Variants in CERS3 observed in about 807,000 individuals in gnomAD.
The protein encoded by CERS3 is ceramide synthase 3.
Under a neutral mutation model 50.3 loss-of-function variants are expected in CERS3, and 33 were observed. The observed-to-expected ratio is 0.66, with a 90% CI of 0.50 to 0.88. The LOEUF (loss-of-function observed/expected upper bound fraction) is 0.88, where lower values mean the gene tolerates loss of function less well. Ranked by LOEUF, CERS3 falls within the 40% of genes least tolerant of loss-of-function variation. The pLI, the probability that CERS3 is intolerant of heterozygous loss-of-function variation, is 0.00. For synonymous variants in CERS3, 176 were observed against 155.2 expected, an observed-to-expected ratio of 1.13 and a Z score of -0.99; for missense variants, 470 against 460.3, an observed-to-expected ratio of 1.02 and a Z score of -0.19.
rs2034352381 is a variant in CERS3, at chr15:100,455,897, A to G, written c.995T>C (p.Met332Thr). 6.2e-7 allele frequency: 1 copy of G among 1,607,248 alleles called. No homozygotes were observed. Among genetic ancestry groups the G allele is most frequent in the Admixed American group, 1.7e-5 (1 of 58,728 alleles). The change falls in exon 11 of 12, where the codon ATG becomes ACG. Residue 332 changes from methionine (M) to threonine (T), a missense_variant. Met to Thr is a moderately conservative substitution (Grantham distance 81). Coordinates refer to ENST00000679737, the MANE Select transcript of CERS3 (RefSeq NM_001378789.1). ...ILKMLNRCIF[M>T]KSIQDVRSDD... Reference sequence around the variant, plus strand: ...TAATATTTGGACAGCCCTTACCTTCATGAATATACATCTGTTGAGCATCTT... The same window carrying G: ...TAATATTTGGACAGCCCTTACCTTCGTGAATATACATCTGTTGAGCATCTT...
intron 11 of CERS3, among the ~76,000 whole-genome samples, chr15:100,410,519 G>A (rs2031399942): frequency 6.6e-6 from 1 of 152,198 alleles, no homozygotes; most frequent in Non-Finnish European, 1.5e-5. Context: ...GTTTTCCTTT[G>A]AAGGGTGTGT....
chr15:100,516,164 A>G (rs989919729), intron 2 of CERS3, among the ~76,000 whole-genome samples: 1 of 152,104 alleles, frequency 6.6e-6, no homozygotes, highest in Non-Finnish European at 1.5e-5. Flanking sequence ...CTTCCCATCA[A>G]CTCATCCGGT....
chr15:100,503,872 G>A (rs1165436277), intron 2 of CERS3: 2 of 402,688 alleles, frequency 5.0e-6, no homozygotes, highest in Non-Finnish European at 1.0e-5. Context: ...ATCGGGTAGA[G>A]GATAAAGTGA....
intron 3 of CERS3, among the ~76,000 whole-genome samples, chr15:100,494,362 C>T (rs2035749459): frequency 6.6e-6 from 1 of 151,152 alleles, no homozygotes; most frequent in South Asian, 2.1e-4. Flanking sequence ...ATTCTCCTGC[C>T]TCAGCCTCCT....
At chr15:100,483,894 C>G (rs1021833478) in intron 5 of CERS3, among the ~76,000 whole-genome samples, 5 of 150,020 alleles carry the variant, frequency 3.3e-5, no homozygotes, top group Non-Finnish European at 7.4e-5. Context: ...CATTCTCCTG[C>G]CTCAGCCTCC....
At chr15:100,404,608 G>C (rs867517644) in intron 11 of CERS3, among the ~76,000 whole-genome samples, 8 of 152,192 alleles carry the variant, frequency 5.3e-5, no homozygotes, top group African/African-American at 1.9e-4. Flanking sequence ...ATTTTCTGTA[G>C]ATGCAGACAA....
At chr15:100,486,203 G>A (rs1950549945) in intron 4 of CERS3, among the ~76,000 whole-genome samples, 1 of 152,202 alleles carries the variant, frequency 6.6e-6, no homozygotes, top group African/African-American at 2.4e-5. Flanking sequence ...TGGGCCAGAT[G>A]GCTGAATACC....
intron 1 of CERS3, among the ~76,000 whole-genome samples, chr15:100,543,885 T>G (rs981819839): frequency 6.6e-6 from 1 of 152,214 alleles, no homozygotes. Context: ...TCTGGACCCC[T>G]GATACATGTT....
intron 11 of CERS3, among the ~76,000 whole-genome samples, chr15:100,442,935 G>T: frequency 6.6e-6 from 1 of 151,504 alleles, no homozygotes; most frequent in East Asian, 2.0e-4. Context: ...ACTGTTGTGG[G>T]TATTGACGGC....
intron 11 of CERS3, among the ~76,000 whole-genome samples, chr15:100,413,690 G>A (rs2031666236): frequency 6.9e-6 from 1 of 145,110 alleles, no homozygotes; most frequent in East Asian, 2.0e-4. Flanking sequence ...TGGGGAAAAA[G>A]AAACACTCAT....
chr15:100,459,353 A>G (rs185192842), intron 10 of CERS3, among the ~76,000 whole-genome samples: 70 of 152,230 alleles, frequency 4.6e-4, no homozygotes, highest in African/African-American at 1.7e-3. Flanking sequence ...AGGAGTGCAG[A>G]GGCATGATCA....
intron 11 of CERS3, among the ~76,000 whole-genome samples, chr15:100,417,432 C>CG (rs1386287669): frequency 5.3e-5 from 8 of 152,064 alleles, no homozygotes; most frequent in African/African-American, 1.5e-4. Flanking sequence ...GAGGGTCCTA[C>CG]CCCACGGAGT....
chr15:100,538,644 G>A (rs2037129093), intron 1 of CERS3, among the ~76,000 whole-genome samples: 1 of 152,174 alleles, frequency 6.6e-6, no homozygotes, highest in Non-Finnish European at 1.5e-5. Context: ...GCCAGGCCCT[G>A]GGCCGAGCCC....
chr15:100,418,976 C>G (rs1285474379), intron 11 of CERS3, among the ~76,000 whole-genome samples: 1 of 151,624 alleles, frequency 6.6e-6, no homozygotes, highest in Non-Finnish European at 1.5e-5. Context: ...ACTGCAAAAT[C>G]GTGCCAAATT....
chr15:100,427,362 G>A (rs2032873308), intron 11 of CERS3, among the ~76,000 whole-genome samples: 1 of 152,124 alleles, frequency 6.6e-6, no homozygotes, highest in Admixed American at 6.5e-5. Flanking sequence ...TTGTTCTTAG[G>A]CAATGCCAAT....
chr15:100,497,355 G>T (rs543481037), intron 3 of CERS3, among the ~76,000 whole-genome samples: 30 of 150,296 alleles, frequency 2.0e-4, no homozygotes, highest in South Asian at 4.2e-4. Context: ...TATATATATA[G>T]AGAGAAAAAT....
At chr15:100,464,292 A>G (rs2034642466) in intron 10 of CERS3, among the ~76,000 whole-genome samples, 1 of 152,230 alleles carries the variant, frequency 6.6e-6, no homozygotes, top group Non-Finnish European at 1.5e-5. Flanking sequence ...ATAGTCTTCA[A>G]CCACATGAAA....
At chr15:100,411,215 T>G (rs1424847495) in intron 11 of CERS3, among the ~76,000 whole-genome samples, 1 of 152,172 alleles carries the variant, frequency 6.6e-6, no homozygotes, top group African/African-American at 2.4e-5. Flanking sequence ...CAGGCTGGAG[T>G]GCAGTGGCAC....
At position 100,429,754 on chromosome 15, in the gene CERS3, C is replaced by A. The variant is rs150550225; in HGVS notation, c.999+26139G>T. On this transcript the variant is annotated intron_variant, in intron 11 of 11. Transcript: ENST00000679737. ...CGGAAAAGCTTCACCATCTGTGTTTCTTAAATAAACATACTTATCCACAGC... is the reference window on the plus strand; with the variant it reads ...CGGAAAAGCTTCACCATCTGTGTTTATTAAATAAACATACTTATCCACAGC... Among the ~76,000 whole-genome samples the A allele has an allele frequency of 7.2e-5, 11 of 152,270 alleles. No homozygotes were observed. The East Asian group carries it at 1.9e-3, about 27-fold the overall frequency.
Sources: gnomAD v4.1 joint callset for allele counts (sites outside exome capture counted in the v4.1 genomes callset) on GRCh38, gnomAD v4.1.1 for gene constraint, MANE v1.5 for transcripts, NCBI Gene and HGNC (gene_info 2026-07-23, HGNC 2026-07-21) for gene names.